Variants in PRTFDC1 observed in about 807,000 individuals in gnomAD.
PRTFDC1 encodes phosphoribosyl transferase domain containing 1, also known as phosphoribosyltransferase domain-containing protein 1.
In PRTFDC1, 38 loss-of-function variants were observed where a neutral mutation model predicts 34.6. The ratio of observed to expected loss-of-function variants is 1.10; its 90% confidence interval spans 0.85 to 1.44. The LOEUF (loss-of-function observed/expected upper bound fraction) is 1.44, where lower values mean the gene tolerates loss of function less well. Ranked by LOEUF, PRTFDC1 falls within the 40% of genes most tolerant of loss-of-function variation. PRTFDC1 has a pLI of 0.00. For missense variants in PRTFDC1, 270 were observed against 283.0 expected (o/e 0.95, Z 0.33); for synonymous variants, 93 against 98.1 (o/e 0.95, Z 0.31).
chr10:24,901,529 A>C (rs1356916863), intron 3 of PRTFDC1, among the ~76,000 whole-genome samples: 1 of 152,142 alleles, frequency 6.6e-6, no homozygotes, highest in Admixed American at 6.6e-5. Flanking sequence ...GTGTGAAACC[A>C]GCCTGGGCAA....
At chr10:24,920,277 GTA>G (rs143259579) in intron 3 of PRTFDC1, among the ~76,000 whole-genome samples, 1 of 151,188 alleles carries the variant, frequency 6.6e-6, no homozygotes, top group East Asian at 1.9e-4. Flanking sequence ...ATATATATGT[GTA>G]TATATATATG....
chr10:24,922,560 T>G (rs557535851), intron 3 of PRTFDC1, among the ~76,000 whole-genome samples: 1 of 152,324 alleles, frequency 6.6e-6, no homozygotes, highest in East Asian at 1.9e-4. Flanking sequence ...GCATATGCCC[T>G]CTTGCCTGCC....
intron 3 of PRTFDC1, among the ~76,000 whole-genome samples, chr10:24,916,506 T>C (rs1486477145): frequency 6.6e-6 from 1 of 152,192 alleles, no homozygotes; most frequent in African/African-American, 2.4e-5. Context: ...TAATTTCTTC[T>C]CACTCTTCTC....
chr10:24,934,754 AAAT>A (rs1849024573), intron 3 of PRTFDC1, among the ~76,000 whole-genome samples: 1 of 152,136 alleles, frequency 6.6e-6, no homozygotes, highest in Non-Finnish European at 1.5e-5. Context: ...TGTCTCCCTA[AAAT>A]GTATAAAACC....
At chr10:24,880,817 T>G in intron 3 of PRTFDC1, among the ~76,000 whole-genome samples, 1 of 55,516 alleles carries the variant, frequency 1.8e-5, no homozygotes, top group African/African-American at 8.6e-5. Context: ...GTCTTTCTCT[T>G]TCTTTCTTTC....
chr10:24,917,253 T>A (rs1431414582), intron 3 of PRTFDC1, among the ~76,000 whole-genome samples: 1 of 152,212 alleles, frequency 6.6e-6, no homozygotes, highest in Non-Finnish European at 1.5e-5. Context: ...GCCCCATTTT[T>A]TAACTGCAAG....
intron 3 of PRTFDC1, among the ~76,000 whole-genome samples, chr10:24,903,148 A>C (rs1188885621): frequency 6.6e-6 from 1 of 152,212 alleles, no homozygotes; most frequent in Non-Finnish European, 1.5e-5. Flanking sequence ...CAGTGAGCTG[A>C]GATCGTGCCT....
chr10:24,921,865 T>A (rs966570571), intron 3 of PRTFDC1, among the ~76,000 whole-genome samples: 1 of 152,188 alleles, frequency 6.6e-6, no homozygotes, highest in Non-Finnish European at 1.5e-5. Flanking sequence ...TGATTAACAA[T>A]AATGCTGTGT....
At chr10:24,877,239 T>C (rs900866946) in intron 3 of PRTFDC1, among the ~76,000 whole-genome samples, 2 of 152,086 alleles carry the variant, frequency 1.3e-5, no homozygotes, top group Admixed American at 6.5e-5. Flanking sequence ...CTCACTATTT[T>C]GGTCAAGCTG....
At position 24,849,888 on chromosome 10, in the gene PRTFDC1, T is replaced by C; in HGVS notation, c.634A>G (p.Ile212Val). The change falls in exon 9 of 9, where the codon ATA becomes GTA. Residue 212 changes from isoleucine (I) to valine (V), a missense_variant. Coordinates refer to ENST00000320152, the MANE Select transcript of PRTFDC1 (RefSeq NM_020200.7). Reference sequence around the variant, plus strand: ...TTACCGTGCTCATTGATGACGCATATGTGCTGAAACAATAAAGGATTTAAA... The same window carrying C: ...TTACCGTGCTCATTGATGACGCATACGTGCTGAAACAATAAAGGATTTAAA... ...YNEYFRDLNH[I>V]CVINEHGKEK... is the part of the protein sequence containing the mutation. 6.2e-7 allele frequency: 1 copy of C among 1,614,000 alleles called. No homozygotes were observed. Among genetic ancestry groups the C allele is most frequent in the Non-Finnish European group, 8.5e-7 (1 of 1,179,918 alleles).
chr10:24,907,009 A>C (rs981817522), intron 3 of PRTFDC1, among the ~76,000 whole-genome samples: 2 of 152,224 alleles, frequency 1.3e-5, no homozygotes, highest in Non-Finnish European at 2.9e-5. Context: ...CTGAATATAA[A>C]AGTCATATGA....
chr10:24,879,734 C>G (rs1278983371), intron 3 of PRTFDC1, among the ~76,000 whole-genome samples: 1 of 152,144 alleles, frequency 6.6e-6, no homozygotes, highest in African/African-American at 2.4e-5. Context: ...TAAGTGGGTG[C>G]AAAAGTAACT....
chr10:24,945,963 G>A (rs891377156), intron 1 of PRTFDC1, among the ~76,000 whole-genome samples: 9 of 152,114 alleles, frequency 5.9e-5, no homozygotes, highest in Admixed American at 5.9e-4. Context: ...CCTCTGGCAG[G>A]CCACAGTAAA....
intron 3 of PRTFDC1, chr10:24,908,835 G>A (rs556884196): frequency 3.2e-6 from 4 of 1,269,342 alleles, no homozygotes; most frequent in Non-Finnish European, 3.1e-6. Flanking sequence ...TAGCCCATTT[G>A]ATTCCAGCCA....
chr10:24,939,301 CA>C (rs34582221), intron 2 of PRTFDC1, among the ~76,000 whole-genome samples: 49,729 of 89,878 alleles, frequency 0.55, 9,287 homozygotes, highest in Middle Eastern at 0.68. Context: ...AACTCTGACT[CA>C]AAAAAAAAAA....
intron 3 of PRTFDC1, among the ~76,000 whole-genome samples, chr10:24,880,256 CTT>C (rs567139175): frequency 7.2e-6 from 1 of 139,114 alleles, no homozygotes. Flanking sequence ...TCTTTTTTTT[CTT>C]TTTTTTTTTG....
chr10:24,934,029 C>T (rs1849009181), intron 3 of PRTFDC1, among the ~76,000 whole-genome samples: 1 of 152,114 alleles, frequency 6.6e-6, no homozygotes, highest in Non-Finnish European at 1.5e-5. Context: ...TATGACCTCC[C>T]ATCTTGCCCC....
rs148818117 is a variant in PRTFDC1 at position 24,914,601 on chromosome 10, C to T, written c.339+22583G>A. ...TATTATCTTAACCTTATACATGCTA[C>T]GATCTGGTTTGAAGGGCAGAGTTTA... On this transcript the variant is annotated intron_variant, in intron 3 of 8. Transcript: ENST00000320152. Among the ~76,000 whole-genome samples the T allele has an allele frequency of 3.0e-3, 463 of 152,198 alleles. 9 individuals carry two copies. Among genetic ancestry groups the T allele is most frequent in the Middle Eastern group, 0.02 (6 of 294 alleles).
intron 3 of PRTFDC1, among the ~76,000 whole-genome samples, chr10:24,875,794 A>C (rs753403683): frequency 6.6e-6 from 1 of 151,332 alleles, no homozygotes; most frequent in Non-Finnish European, 1.5e-5. Flanking sequence ...CCAATTAATT[A>C]ATCTAACTTG....
Sources: gnomAD v4.1 joint callset for allele counts (sites outside exome capture counted in the v4.1 genomes callset) on GRCh38, gnomAD v4.1.1 for gene constraint, MANE v1.5 for transcripts, NCBI Gene and HGNC (gene_info 2026-07-23, HGNC 2026-07-21) for gene names.